The following RHBDD1 variants were observed in gnomAD, a reference collection of about 807,000 sequenced individuals.
RHBDD1 encodes the protein rhomboid-related protein 4.
RHBDD1 carries 38 observed loss-of-function variants against 36.3 expected under a neutral mutation model. That is an observed-to-expected ratio of 1.05 (90% confidence interval 0.81 to 1.37). The LOEUF is 1.37. Among genes scored for constraint, RHBDD1 ranks in the 40% most tolerant of loss-of-function variants. The pLI is 0.00. For missense variants in RHBDD1, 393 were observed against 377.6 expected (o/e 1.04, Z -0.34); for synonymous variants, 151 against 136.5 (o/e 1.11, Z -0.74).
At chr2:226,850,268 C>T (rs1292671997) in intron 3 of RHBDD1, among the ~76,000 whole-genome samples, 7 of 152,114 alleles carry the variant, frequency 4.6e-5, no homozygotes, top group Admixed American at 4.6e-4. Context: ...GGCACTTGAG[C>T]AAACACCTAA....
At chr2:226,988,582 A>T (rs1369552701) in intron 8 of RHBDD1, 1 of 1,382,818 alleles carries the variant, frequency 7.2e-7, no homozygotes, top group Non-Finnish European at 9.4e-7. Context: ...CATCAGAAAC[A>T]TCAGAAGAGG....
Position 226,864,767 on chromosome 2 carries a change from A to G in RHBDD1, c.74A>G (p.Asn25Ser), listed in dbSNP as rs1214492796. ...LLSQIFHVGI[N>S]NIPPVTLATL... Reference sequence around the variant, plus strand: ...TCTCAAATCTTCCATGTTGGGATCAACAATATTCCACCTGTCACCCTAGCA... The same window carrying G: ...TCTCAAATCTTCCATGTTGGGATCAGCAATATTCCACCTGTCACCCTAGCA... Residue 25 changes from asparagine to serine, a missense_variant, in exon 4 of 9, where the codon AAC (asparagine) becomes AGC (serine). Coordinates refer to ENST00000392062, the MANE Select transcript of RHBDD1 (RefSeq NM_001167608.3). 1.9e-6 allele frequency: 3 copies of G among 1,614,040 alleles called. No homozygotes were observed. The highest frequency in any genetic ancestry group is 1.6e-4 in the Middle Eastern group (1 of 6,084).
At chr2:226,873,751 A>G (rs1163626060) in intron 5 of RHBDD1, among the ~76,000 whole-genome samples, 1 of 152,172 alleles carries the variant, frequency 6.6e-6, no homozygotes, top group Middle Eastern at 3.2e-3. Flanking sequence ...TTTGCTGGTG[A>G]CATGGCCCTG....
At chr2:226,961,192 C>T (rs1360349707) in intron 8 of RHBDD1, among the ~76,000 whole-genome samples, 1 of 152,110 alleles carries the variant, frequency 6.6e-6, no homozygotes, top group Non-Finnish European at 1.5e-5. Flanking sequence ...CCCAGCTCTG[C>T]CTCTCCTTCT....
At chr2:226,984,455 C>A (rs958271567) in intron 8 of RHBDD1, among the ~76,000 whole-genome samples, 5 of 152,206 alleles carry the variant, frequency 3.3e-5, no homozygotes, top group Non-Finnish European at 7.3e-5. Flanking sequence ...CCAATGCCAT[C>A]ACGGGGGCTC....
intron 8 of RHBDD1, among the ~76,000 whole-genome samples, chr2:226,972,930 A>C (rs1353053796): frequency 7.2e-5 from 2 of 27,870 alleles, no homozygotes; most frequent in African/African-American, 2.1e-4. Flanking sequence ...AGCCTGTAGC[A>C]AAAAAAAAAA....
intron 5 of RHBDD1, among the ~76,000 whole-genome samples, chr2:226,903,259 G>C (rs897717614): frequency 1.3e-5 from 2 of 152,112 alleles, no homozygotes; most frequent in African/African-American, 4.8e-5. Flanking sequence ...AGTCAACCTT[G>C]ATCCAAAAAC....
intron 8 of RHBDD1, among the ~76,000 whole-genome samples, chr2:226,972,897 A>G (rs994013141): frequency 3.3e-5 from 5 of 151,314 alleles, no homozygotes; most frequent in Admixed American, 2.6e-4. Context: ...CCATTTATCA[A>G]CTAAAGTTAA....
the RHBDD1 span, among the ~76,000 whole-genome samples, chr2:226,810,288 C>T: frequency 6.6e-6 from 1 of 151,844 alleles, no homozygotes; most frequent in African/African-American, 2.4e-5. Context: ...GCCTGTAATC[C>T]TAGCATTTTG....
chr2:226,867,297 C>T lies in RHBDD1; in HGVS notation c.545C>T (p.Ala182Val). 1 of 1,613,486 alleles carries T rather than the reference C, an allele frequency of 6.2e-7. No individual in the cohort carries two copies. Among genetic ancestry groups the T allele is most frequent in the East Asian group, 2.2e-5 (1 of 44,830 alleles). The change falls in exon 5 of 9, where the codon GCT (alanine) becomes GTT (valine). Residue 182 changes from alanine (A) to valine (V), a missense_variant. Transcript: ENST00000392062. ...TTTGCTTGTTGGGTCGAACTTGTGG[C>T]TATTCATTTATTCTCACCAGGGTAA... The part of the protein sequence containing the change: ...NRFACWVELV[A>V]IHLFSPGTSF...
intron 3 of RHBDD1, among the ~76,000 whole-genome samples, chr2:226,862,551 T>G (rs893489177): frequency 6.6e-6 from 1 of 152,150 alleles, no homozygotes; most frequent in Non-Finnish European, 1.5e-5. Context: ...CTTTTCTTTC[T>G]GTTAAGAGGA....
At chr2:226,994,990 G>A (rs953595964) in intron 8 of RHBDD1, among the ~76,000 whole-genome samples, 11 of 152,134 alleles carry the variant, frequency 7.2e-5, no homozygotes, top group African/African-American at 2.4e-4. Flanking sequence ...GGCAGGAGGC[G>A]GCACATTAGA....
intron 8 of RHBDD1, among the ~76,000 whole-genome samples, chr2:226,973,557 G>A (rs1263253672): frequency 6.6e-6 from 1 of 152,196 alleles, no homozygotes; most frequent in Non-Finnish European, 1.5e-5. Context: ...ATGATTCCTA[G>A]ATGTAATATT....
intron 8 of RHBDD1, among the ~76,000 whole-genome samples, chr2:226,969,614 G>A (rs768286773): frequency 2.6e-5 from 4 of 152,062 alleles, no homozygotes; most frequent in East Asian, 1.9e-4. Context: ...CGTGAGTCCC[G>A]TTTGACAGAC....
chr2:226,843,629 G>A (rs574356272), intron 3 of RHBDD1, among the ~76,000 whole-genome samples: 15 of 152,260 alleles, frequency 9.9e-5, no homozygotes, highest in African/African-American at 2.9e-4. Context: ...CAACTTGATC[G>A]TGGTAGATAA....
At chr2:226,861,186 A>C (rs1274877507) in intron 3 of RHBDD1, among the ~76,000 whole-genome samples, 2 of 152,228 alleles carry the variant, frequency 1.3e-5, no homozygotes, top group East Asian at 3.8e-4. Context: ...TTTGGGCATC[A>C]TCCTGATAAA....
At chr2:226,858,287 A>G (rs947566556) in intron 3 of RHBDD1, among the ~76,000 whole-genome samples, 14 of 152,210 alleles carry the variant, frequency 9.2e-5, no homozygotes, top group African/African-American at 2.9e-4. Flanking sequence ...TCTCAATTAT[A>G]TAGTGACAGA....
intron 5 of RHBDD1, among the ~76,000 whole-genome samples, chr2:226,884,793 G>A (rs1474886369): frequency 6.6e-6 from 1 of 152,150 alleles, no homozygotes; most frequent in Non-Finnish European, 1.5e-5. Context: ...AATTGCTGAT[G>A]TTTAGAATGT....
At chr2:226,828,944 T>C in the RHBDD1 span, among the ~76,000 whole-genome samples, 1 of 152,222 alleles carries the variant, frequency 6.6e-6, no homozygotes, top group Admixed American at 6.5e-5. Flanking sequence ...GTACTTTTCC[T>C]GTCATATGTA....
Sources: allele counts gnomAD v4.1 joint callset (sites outside exome capture counted in the v4.1 genomes callset), GRCh38; gene constraint gnomAD v4.1.1; transcripts MANE v1.5; gene names NCBI Gene and HGNC (gene_info 2026-07-23, HGNC 2026-07-21).